The following CLHC1 variants were observed in gnomAD, a reference collection of about 807,000 sequenced individuals.
CLHC1 encodes clathrin heavy chain linker domain containing 1, also known as clathrin heavy chain linker domain-containing protein 1.
A neutral mutation model predicts 69.5 loss-of-function variants in CLHC1; 72 were observed. That is an observed-to-expected ratio of 1.04 (90% CI 0.86 to 1.26). CLHC1 has a LOEUF of 1.26. CLHC1 is among the 50% of genes most tolerant of loss of function. CLHC1 has a pLI of 0.00. For synonymous variants in CLHC1, 223 were observed against 224.3 expected (o/e 0.99, Z 0.05); for missense variants, 790 against 679.3 (o/e 1.16, Z -1.81).
At chr2:55,177,046 T>C (rs944639145) in intron 12 of CLHC1, among the ~76,000 whole-genome samples, 3 of 152,102 alleles carry the variant, frequency 2.0e-5, no homozygotes, top group African/African-American at 7.2e-5. Context: ...AATTTTGGTA[T>C]CTTTTTCATA....
intron 9 of CLHC1, among the ~76,000 whole-genome samples, chr2:55,184,217 C>A (rs1319338151): frequency 6.6e-6 from 1 of 151,790 alleles, no homozygotes; most frequent in Admixed American, 6.6e-5. Flanking sequence ...GTGATCCTCC[C>A]ACTTCAGCCT....
chr2:55,228,293 T>C (rs1355536457), intron 1 of CLHC1, 89 bp from the exon 2 acceptor site: 2 of 152,264 alleles, frequency 1.3e-5, no homozygotes, highest in African/African-American at 2.4e-5. Context: ...TAATGCAGTT[T>C]CTAGCAGAGC....
At chr2:55,210,169 G>GTTTTA (rs201842015) in intron 5 of CLHC1, among the ~76,000 whole-genome samples, 111 of 151,598 alleles carry the variant, frequency 7.3e-4, no homozygotes, top group East Asian at 7.2e-3. Flanking sequence ...CAGGCTAGCA[G>GTTTTA]TTTTATTTTA....
chr2:55,227,941 A>T (rs1368638114), intron 2 of CLHC1, 91 bp downstream of exon 2: 1 of 151,858 alleles, frequency 6.6e-6, no homozygotes, highest in Non-Finnish European at 1.5e-5. Flanking sequence ...TTACCTTAGG[A>T]TCTTACATAA....
At chr2:55,200,686 T>C (rs1428894392) in intron 9 of CLHC1, among the ~76,000 whole-genome samples, 1 of 152,192 alleles carries the variant, frequency 6.6e-6, no homozygotes, top group Non-Finnish European at 1.5e-5. Flanking sequence ...ATGGATCTAA[T>C]AGATGTTTAC....
chr2:55,182,520 A>G (rs1482556410), intron 9 of CLHC1, among the ~76,000 whole-genome samples: 1 of 152,134 alleles, frequency 6.6e-6, no homozygotes, highest in Non-Finnish European at 1.5e-5. Context: ...CCTTTTTGTG[A>G]GCAGAAAATA....
intron 9 of CLHC1, among the ~76,000 whole-genome samples, chr2:55,191,330 G>C (rs895842626): frequency 6.6e-6 from 1 of 152,258 alleles, no homozygotes; most frequent in East Asian, 1.9e-4. Context: ...CCACCTCCTG[G>C]ATTCTAGTGA....
At chr2:55,219,306 G>A (rs953859209) in intron 3 of CLHC1, among the ~76,000 whole-genome samples, 1 of 152,174 alleles carries the variant, frequency 6.6e-6, no homozygotes, top group East Asian at 1.9e-4. Flanking sequence ...TTTCAGAAGA[G>A]CACTCATGGG....
Position 55,206,409 on chromosome 2 carries a change from T to C in CLHC1, c.900-33A>G, listed in dbSNP as rs759227643. 4.9e-5 allele frequency: 59 copies of C among 1,201,532 alleles called. 1 individual carries two copies. The South Asian group carries it at 6.5e-4, about 13-fold the overall frequency. 74.4% of individuals were successfully genotyped at this position (1,201,532 alleles called of 1,614,324 possible). A position where few individuals can be genotyped will look rare whatever the true frequency, so the allele number is the denominator to read the frequency against. On this transcript the variant is annotated intron_variant, in intron 8 of 12. Coordinates refer to ENST00000401408, the MANE Select transcript of CLHC1 (RefSeq NM_152385.4). ...CATCACATTTTAAAATGCATTATAA[T>C]GACACAAAGAAAAAGAGAAAAAACT...
intron 1 of CLHC1, among the ~76,000 whole-genome samples, chr2:55,230,013 G>C (rs529562283): frequency 3.9e-5 from 6 of 152,318 alleles, no homozygotes; most frequent in African/African-American, 1.4e-4. Flanking sequence ...CAGAGTTTGC[G>C]GTGAGCCAAG....
chr2:55,177,686 C>G lies in CLHC1; in HGVS notation c.1480G>C (p.Gly494Arg). ...GAGAACAGATGAAGTATAGCAAGAC[C>G]AAAAGATAAAGATGGTTGTTTCTCA... ...LNEKQPSLSF[G>R]LAILHLFSAD... Residue 494 changes from glycine (G) to arginine (R), a missense_variant, in exon 12 of 13, where the codon GGT becomes CGT. Gly to Arg is a moderately radical substitution (Grantham distance 125). Transcript: ENST00000401408. 6.2e-7 allele frequency: 1 copy of G among 1,612,884 alleles called. No individual in the cohort carries two copies. Among genetic ancestry groups the G allele is most frequent in the Non-Finnish European group, 8.5e-7 (1 of 1,179,196 alleles).
chr2:55,199,113 A>G (rs1199573266), intron 9 of CLHC1, among the ~76,000 whole-genome samples: 1 of 151,950 alleles, frequency 6.6e-6, no homozygotes, highest in African/African-American at 2.4e-5. Context: ...CCTGGGCAAC[A>G]TGGTGAAACC....
At position 55,209,696 on chromosome 2, in the gene CLHC1, T is replaced by A; in HGVS notation, c.635A>T (p.Glu212Val). Residue 212 changes from glutamate (E) to valine (V), a missense_variant, in exon 6 of 13, where the codon GAA becomes GTA. Coordinates refer to ENST00000401408, the MANE Select transcript of CLHC1 (RefSeq NM_152385.4). Reference protein sequence around the residue: ...VPAQRKADLDEEMIVLLKRRD... With the variant: ...VPAQRKADLDVEMIVLLKRRD... ...CCGTTTTAATAACACAATCATTTCT[T>A]CATCTAAATCAGCCTTCCTCTGAGC... 4.3e-6 allele frequency: 7 copies of A among 1,614,116 alleles called. No individual in the cohort carries two copies. The highest frequency in any genetic ancestry group is 5.9e-6 in the Non-Finnish European group (7 of 1,180,012).
At chr2:55,186,090 T>C (rs1670387406) in intron 9 of CLHC1, among the ~76,000 whole-genome samples, 1 of 152,180 alleles carries the variant, frequency 6.6e-6, no homozygotes, top group African/African-American at 2.4e-5. Context: ...CCTGGCTATA[T>C]CTTTCCCTCT....
At chr2:55,202,272 C>G (rs530748711) in intron 9 of CLHC1, among the ~76,000 whole-genome samples, 15 of 149,568 alleles carry the variant, frequency 1.0e-4, no homozygotes, top group Admixed American at 1.3e-4. Context: ...AAAAAAAAAC[C>G]TAGCTGGGTG....
chr2:55,196,905 A>G (rs1671479358), intron 9 of CLHC1, among the ~76,000 whole-genome samples: 2 of 152,212 alleles, frequency 1.3e-5, no homozygotes, highest in Admixed American at 6.5e-5. Flanking sequence ...GGGGTCCCCA[A>G]TTCCAGCACT....
chr2:55,226,127 G>C (rs1674675664), intron 2 of CLHC1, among the ~76,000 whole-genome samples: 1 of 151,122 alleles, frequency 6.6e-6, no homozygotes. Context: ...GGGAGGCGGA[G>C]GTTGCAGTGA....
intron 9 of CLHC1, among the ~76,000 whole-genome samples, chr2:55,184,166 C>T (rs1670194063): frequency 6.9e-6 from 1 of 145,462 alleles, no homozygotes; most frequent in African/African-American, 2.6e-5. Context: ...AGTGCAGTGG[C>T]ACGATCACGG....
At chr2:55,222,565 A>G (rs1428074371) in intron 2 of CLHC1, 72 bp from the exon 3 acceptor site, 16 of 574,780 alleles carry the variant, frequency 2.8e-5, no homozygotes, top group Admixed American at 1.0e-4. Context: ...CTAAAAATGT[A>G]TTTTTTTTAG....
Sources: gnomAD v4.1 joint callset for allele counts (sites outside exome capture counted in the v4.1 genomes callset) on GRCh38, gnomAD v4.1.1 for gene constraint, MANE v1.5 for transcripts, NCBI Gene and HGNC (gene_info 2026-07-23, HGNC 2026-07-21) for gene names.